Variants in OTUD7B observed in about 807,000 individuals in gnomAD.
OTUD7B encodes OTU domain-containing protein 7B.
OTUD7B carries 34 observed loss-of-function variants against 82.2 expected under a neutral mutation model. The ratio of observed to expected loss-of-function variants is 0.41; its 90% CI spans 0.31 to 0.55. OTUD7B has a LOEUF of 0.55. OTUD7B is among the 20% of genes least tolerant of loss of function. The pLI, the probability that OTUD7B is intolerant of heterozygous loss-of-function variation, is 0.20. For synonymous variants in OTUD7B, 398 were observed against 402.7 expected, an observed-to-expected ratio of 0.99 and a Z score of 0.14; for missense variants, 944 against 1,062.1, an observed-to-expected ratio of 0.89 and a Z score of 1.55.
At chr1:150,036,761 G>C in the OTUD7B span, among the ~76,000 whole-genome samples, 2 of 152,070 alleles carry the variant, frequency 1.3e-5, no homozygotes, top group African/African-American at 4.8e-5. Flanking sequence ...TACACTTTAA[G>C]ACCATTTCCA....
At chr1:150,049,442 C>A in the OTUD7B span, among the ~76,000 whole-genome samples, 2 of 151,994 alleles carry the variant, frequency 1.3e-5, no homozygotes, top group East Asian at 1.9e-4. Flanking sequence ...GCAGAAAAAA[C>A]CCCAATTCAC....
chr1:150,053,140 T>C, the OTUD7B span, among the ~76,000 whole-genome samples: 102 of 152,298 alleles, frequency 6.7e-4, no homozygotes, highest in Middle Eastern at 3.4e-3. Context: ...GAAGATTTCA[T>C]GACAAAGATG....
At chr1:150,021,961 C>T in the OTUD7B span, among the ~76,000 whole-genome samples, 3,321 of 152,284 alleles carry the variant, frequency 0.022, 132 homozygotes, top group African/African-American at 0.076. Flanking sequence ...CTTATTCCAA[C>T]ATGAAGAATA....
At chr1:150,024,080 T>C in the OTUD7B span, among the ~76,000 whole-genome samples, 1 of 152,190 alleles carries the variant, frequency 6.6e-6, no homozygotes, top group African/African-American at 2.4e-5. Context: ...TATTTCTCAA[T>C]AGAGTGCCAC....
the OTUD7B span, among the ~76,000 whole-genome samples, chr1:150,044,293 C>T: frequency 5.9e-4 from 89 of 151,610 alleles, 2 homozygotes; most frequent in East Asian, 0.014. Flanking sequence ...CTGCAACCTT[C>T]GCCTCCCAGG....
Position 149,967,673 on chromosome 1 carries a change from C to T in OTUD7B, c.275-152G>A, listed in dbSNP as rs1571646682. 10 of 531,568 alleles carry T rather than the reference C, an allele frequency of 1.9e-5. No homozygotes were observed. In the East Asian group the frequency reaches 3.2e-4, roughly 17 times the overall value. The allele number at this position is 531,568 out of a possible 1,614,324, so 32.9% of individuals were successfully genotyped here. On this transcript the variant is annotated intron_variant, in intron 3 of 11. Transcript: ENST00000581312. ...GAATTTCAGAACCCTTTTTCTGAAG[C>T]CAAATACAATTGGAGAAATAGAGAC...
intron 11 of OTUD7B, among the ~76,000 whole-genome samples, chr1:149,946,064 G>GA (rs782285224): frequency 1 from 149,853 of 150,194 alleles, 74,756 homozygotes; most frequent in Non-Finnish European, 1. Flanking sequence ...CCATCTCAAA[G>GA]AAAAATAATA....
the OTUD7B span, among the ~76,000 whole-genome samples, chr1:150,018,720 G>GA: frequency 2.0e-5 from 3 of 152,010 alleles, no homozygotes; most frequent in South Asian, 2.1e-4. Context: ...TCTTATTCAG[G>GA]AAAAAAGACA....
At chr1:150,000,934 G>A (rs587677253) in intron 1 of OTUD7B, among the ~76,000 whole-genome samples, 159 of 152,160 alleles carry the variant, frequency 1.0e-3, no homozygotes, top group Non-Finnish European at 1.3e-3. Flanking sequence ...AGCAGAGATC[G>A]TGCCACTGCA....
the OTUD7B span, among the ~76,000 whole-genome samples, chr1:150,028,227 C>G: frequency 6.6e-6 from 1 of 152,136 alleles, no homozygotes; most frequent in African/African-American, 2.4e-5. Flanking sequence ...TAGAGCCAAG[C>G]AAGCATTAAC....
At chr1:150,050,644 T>C in the OTUD7B span, 4 of 152,158 alleles carry the variant, frequency 2.6e-5, no homozygotes, top group Non-Finnish European at 4.4e-5. Flanking sequence ...TTTAAAGCCA[T>C]AAACAGGCTA....
At position 149,967,536 on chromosome 1, in the gene OTUD7B, G is replaced by T; in HGVS notation, c.275-15C>A. ...CAGGCGTTTTTCTGCAATGAGAAAT[G>T]GAGTCACCTTAGAACATACACAGCC... On this transcript the variant is annotated splice_polypyrimidine_tract_variant and intron_variant, in intron 3 of 11. Coordinates refer to ENST00000581312, the MANE Select transcript of OTUD7B (RefSeq NM_020205.4). 6.3e-7 allele frequency: 1 copy of T among 1,576,140 alleles called. No homozygotes were observed. The highest frequency in any genetic ancestry group is 8.6e-7 in the Non-Finnish European group (1 of 1,159,604).
the OTUD7B span, among the ~76,000 whole-genome samples, chr1:150,030,921 C>T: frequency 2.0e-5 from 3 of 152,046 alleles, no homozygotes; most frequent in East Asian, 5.8e-4. Flanking sequence ...GTCACCCAGG[C>T]CCGCCACCAC....
intron 1 of OTUD7B, among the ~76,000 whole-genome samples, chr1:149,999,310 G>A (rs1160533696): frequency 6.6e-6 from 1 of 152,204 alleles, no homozygotes; most frequent in African/African-American, 2.4e-5. Context: ...AAGCAAAGAA[G>A]CTAGGACACA....
intron 1 of OTUD7B, among the ~76,000 whole-genome samples, chr1:149,989,471 C>CAAA (rs1158826492): frequency 2.0e-4 from 23 of 112,804 alleles, no homozygotes; most frequent in African/African-American, 6.6e-4. Flanking sequence ...AGACTCTGTC[C>CAAA]AAAAAAAAAA....
At chr1:150,018,280 C>G in the OTUD7B span, among the ~76,000 whole-genome samples, 4 of 152,146 alleles carry the variant, frequency 2.6e-5, no homozygotes, top group Admixed American at 1.3e-4. Context: ...AAATAAAACA[C>G]TGCCTATAGC....
chr1:149,949,118 C>A, intron 9 of OTUD7B, 35 bp from the exon 10 acceptor site: 2 of 1,302,472 alleles, frequency 1.5e-6, no homozygotes, highest in South Asian at 2.4e-5. Context: ...AAGGAATCTC[C>A]TTAAGAGAGA....
the OTUD7B span, among the ~76,000 whole-genome samples, chr1:150,018,680 T>C: frequency 6.6e-5 from 10 of 152,112 alleles, no homozygotes; most frequent in African/African-American, 2.2e-4. Flanking sequence ...CAGTTAGAGG[T>C]CCAAGTCCTT....
At chr1:150,046,443 CATTTT>C in the OTUD7B span, among the ~76,000 whole-genome samples, 1 of 88,854 alleles carries the variant, frequency 1.1e-5, no homozygotes, top group Non-Finnish European at 2.0e-5. Context: ...TCTCCAGTGG[CATTTT>C]TTTTTTTTTT....
Sources: gnomAD v4.1 joint callset for allele counts (sites outside exome capture counted in the v4.1 genomes callset) on GRCh38, gnomAD v4.1.1 for gene constraint, MANE v1.5 for transcripts, NCBI Gene and HGNC (gene_info 2026-07-23, HGNC 2026-07-21) for gene names.